KCNG3: variants seen among roughly 807,000 people sequenced by gnomAD.
KCNG3 encodes potassium voltage-gated channel modifier subfamily G member 3.
A neutral mutation model predicts 29.0 loss-of-function variants in KCNG3; 15 were observed. The observed-to-expected ratio is 0.52, with a 90% confidence interval of 0.35 to 0.80. The LOEUF (loss-of-function observed/expected upper bound fraction) is 0.80, where lower values mean the gene tolerates loss of function less well. Among genes scored for constraint, KCNG3 ranks in the 30% least tolerant of loss-of-function variants. The pLI is 0.01. For synonymous variants in KCNG3, 322 were observed against 248.9 expected, an observed-to-expected ratio of 1.29 and a Z score of -2.76; for missense variants, 512 against 605.7, an observed-to-expected ratio of 0.85 and a Z score of 1.62.
downstream of KCNG3, among the ~76,000 whole-genome samples, chr2:42,437,537 A>C (rs1341076404): frequency 6.6e-6 from 1 of 152,198 alleles, no homozygotes; most frequent in Non-Finnish European, 1.5e-5. Flanking sequence ...CCTTACACAG[A>C]TTTTATGATT....
intron 1 of KCNG3, among the ~76,000 whole-genome samples, chr2:42,448,312 T>G (rs1023032378): frequency 6.6e-6 from 1 of 152,068 alleles, no homozygotes; most frequent in Non-Finnish European, 1.5e-5. Context: ...TGACAAACTA[T>G]AGCCCGGGGT....
intron 1 of KCNG3, among the ~76,000 whole-genome samples, chr2:42,489,598 C>T (rs1673822415): frequency 6.6e-6 from 1 of 152,098 alleles, no homozygotes; most frequent in Non-Finnish European, 1.5e-5. Flanking sequence ...GAGGAAACAT[C>T]ACATCCACTA....
chr2:42,421,518 T>C, the KCNG3 span, among the ~76,000 whole-genome samples: 1 of 152,196 alleles, frequency 6.6e-6, no homozygotes, highest in Admixed American at 6.5e-5. Flanking sequence ...CTATAATTTA[T>C]TTATTTTTTC....
intron 1 of KCNG3, among the ~76,000 whole-genome samples, chr2:42,469,415 T>G (rs1572854913): frequency 9.5e-6 from 1 of 105,576 alleles, no homozygotes; most frequent in African/African-American, 4.1e-5. Flanking sequence ...AGACTCTGTC[T>G]CAAAAAAAAA....
intron 1 of KCNG3, chr2:42,469,847 C>T: frequency 4.9e-6 from 1 of 206,184 alleles, no homozygotes; most frequent in South Asian, 1.7e-4. Flanking sequence ...CAGGAAGGGC[C>T]TGTCCTGGTT....
intron 1 of KCNG3, among the ~76,000 whole-genome samples, chr2:42,471,885 C>CAAAAAAAAAAAAAAAAAAA (rs59566876): frequency 4.7e-5 from 3 of 63,910 alleles, no homozygotes; most frequent in Non-Finnish European, 7.3e-5. Context: ...CCCTGTATCT[C>CAAAAAAAAAAAAAAAAAAA]AAAAAAAAAA....
At chr2:42,455,311 C>G (rs1672852647) in intron 1 of KCNG3, among the ~76,000 whole-genome samples, 1 of 152,012 alleles carries the variant, frequency 6.6e-6, no homozygotes, top group Non-Finnish European at 1.5e-5. Flanking sequence ...AATGGAAAAA[C>G]AAAAACAAAA....
rs1572860909 is a variant in KCNG3 at position 42,477,746 on chromosome 2, G to A, written c.665+15091C>T. On this transcript the variant is annotated intron_variant, in intron 1 of 1. Transcript: ENST00000306078. ...ATATAAAAATTAGCCAAGCATGGTA[G>A]TGCATGTCTGTAATCCCAGCTACTA... Among the ~76,000 whole-genome samples, 6 of 152,030 alleles carry A rather than the reference G, an allele frequency of 3.9e-5. 1 individual carries two copies. In the South Asian group the frequency reaches 1.0e-3, roughly 26 times the overall value.
the KCNG3 span, among the ~76,000 whole-genome samples, chr2:42,435,830 T>G: frequency 6.6e-6 from 1 of 152,334 alleles, no homozygotes; most frequent in East Asian, 1.9e-4. Flanking sequence ...GAAAACAGTT[T>G]GGCAGCTCCT....
chr2:42,467,333 G>A (rs11124878), intron 1 of KCNG3, among the ~76,000 whole-genome samples: 32,783 of 151,928 alleles, frequency 0.22, 4,150 homozygotes, highest in East Asian at 0.56. Context: ...ATATAACACT[G>A]TCCCAAATAA....
At chr2:42,483,587 A>G (rs1408281607) in intron 1 of KCNG3, among the ~76,000 whole-genome samples, 4 of 152,222 alleles carry the variant, frequency 2.6e-5, no homozygotes, top group Non-Finnish European at 5.9e-5. Flanking sequence ...AAAACTGGGT[A>G]ACAGCACTAC....
In KCNG3 at chr2:42,479,382, A is replaced by G. The variant is rs374688057; in HGVS notation, c.665+13455T>C. 9.9e-5 allele frequency among the ~76,000 whole-genome samples: 15 copies of G among 152,268 alleles called. No homozygotes were observed. In the East Asian group the frequency reaches 2.3e-3, roughly 23 times the overall value. On this transcript the variant is annotated intron_variant, in intron 1 of 1. Transcript: ENST00000306078. ...GGAATAGCCAGGCTTAGTCACTCACACCTATAATCCCAACACTTTGGGAGG... is the reference window on the plus strand; with the variant it reads ...GGAATAGCCAGGCTTAGTCACTCACGCCTATAATCCCAACACTTTGGGAGG...
chr2:42,399,056 CTTTTT>C, the KCNG3 span, among the ~76,000 whole-genome samples: 3 of 107,628 alleles, frequency 2.8e-5, no homozygotes, highest in African/African-American at 3.7e-5. Context: ...TTTTTCTTTT[CTTTTT>C]TTTTTTTTTT....
At chr2:42,417,339 G>C in the KCNG3 span, among the ~76,000 whole-genome samples, 2 of 152,046 alleles carry the variant, frequency 1.3e-5, no homozygotes, top group Admixed American at 6.6e-5. Context: ...GGAAGATTTG[G>C]AGACAGGGTC....
chr2:42,389,789 C>G, the KCNG3 span, among the ~76,000 whole-genome samples: 1 of 152,202 alleles, frequency 6.6e-6, no homozygotes, highest in Non-Finnish European at 1.5e-5. Flanking sequence ...GTTCCAGTAT[C>G]CAGTCCAGGA....
the KCNG3 span, among the ~76,000 whole-genome samples, chr2:42,409,429 C>T: frequency 6.6e-6 from 1 of 151,912 alleles, no homozygotes; most frequent in South Asian, 2.1e-4. Flanking sequence ...TAAGGCTGGG[C>T]GAGTTGGCTC....
At position 42,475,214 on chromosome 2, in the gene KCNG3, A is replaced by C. The variant is rs554225598; in HGVS notation, c.665+17623T>G. ...TACTGGGTGCAGTGTAGTCCCAGCT[A>C]CTTGAGAGGCTGAGGCAGGAGGATA... On this transcript the variant is annotated intron_variant, in intron 1 of 1. Coordinates refer to ENST00000306078, the MANE Select transcript of KCNG3 (RefSeq NM_133329.6). Among the ~76,000 whole-genome samples the C allele has an allele frequency of 3.5e-4, 53 of 152,076 alleles. 1 individual carries two copies. Among genetic ancestry groups the C allele is most frequent in the African/African-American group, 1.2e-3 (49 of 41,500 alleles).
At chr2:42,468,647 A>G (rs984517206) in intron 1 of KCNG3, among the ~76,000 whole-genome samples, 1 of 152,124 alleles carries the variant, frequency 6.6e-6, no homozygotes, top group African/African-American at 2.4e-5. Context: ...TAATAAAACT[A>G]AATAATGTAA....
the KCNG3 span, among the ~76,000 whole-genome samples, chr2:42,410,136 T>G: frequency 6.6e-6 from 1 of 152,186 alleles, no homozygotes; most frequent in African/African-American, 2.4e-5. Context: ...GGATAAGAGC[T>G]TCCTACTTCT....
Sources: gnomAD v4.1 joint callset for allele counts (sites outside exome capture counted in the v4.1 genomes callset) on GRCh38, gnomAD v4.1.1 for gene constraint, MANE v1.5 for transcripts, NCBI Gene and HGNC (gene_info 2026-07-23, HGNC 2026-07-21) for gene names.